The following BAZ2B variants were observed in gnomAD, a reference collection of about 807,000 sequenced individuals.
BAZ2B encodes the protein bromodomain adjacent to zinc finger domain protein 2B.
BAZ2B carries 91 observed loss-of-function variants against 246.0 expected under a neutral mutation model. The observed-to-expected ratio is 0.37, with a 90% confidence interval of 0.31 to 0.44. BAZ2B has a LOEUF of 0.44. Among genes scored for constraint, BAZ2B ranks in the 20% least tolerant of loss-of-function variants. The pLI is 1.00. For synonymous variants in BAZ2B, 855 were observed against 860.0 expected, an observed-to-expected ratio of 0.99 and a Z score of 0.10; for missense variants, 2,332 against 2,533.7, an observed-to-expected ratio of 0.92 and a Z score of 1.71.
chr2:159,505,492 C>A (rs535825886), intron 2 of BAZ2B, among the ~76,000 whole-genome samples: 18 of 152,246 alleles, frequency 1.2e-4, no homozygotes, highest in Non-Finnish European at 2.2e-4. Flanking sequence ...CTTTTATAAG[C>A]TTCACTATTG....
At chr2:159,364,284 C>A (rs1363554568) in intron 27 of BAZ2B, among the ~76,000 whole-genome samples, 1 of 152,186 alleles carries the variant, frequency 6.6e-6, no homozygotes, top group Admixed American at 6.5e-5. Flanking sequence ...GTCCATGTTA[C>A]CTATGGCTGA....
At chr2:159,335,754 A>G (rs1407181291) in intron 33 of BAZ2B, among the ~76,000 whole-genome samples, 1 of 152,220 alleles carries the variant, frequency 6.6e-6, no homozygotes, top group East Asian at 1.9e-4. Flanking sequence ...TAAGTTATTT[A>G]AGAATCAATT....
chr2:159,490,573 G>A (rs910834237), intron 2 of BAZ2B, among the ~76,000 whole-genome samples: 1 of 152,140 alleles, frequency 6.6e-6, no homozygotes, highest in Non-Finnish European at 1.5e-5. Context: ...CTGGAGTGCA[G>A]TGGCGTGATC....
chr2:159,327,952 CT>C (rs2063962217), intron 34 of BAZ2B, among the ~76,000 whole-genome samples: 12 of 151,252 alleles, frequency 7.9e-5, no homozygotes, highest in African/African-American at 2.9e-4. Flanking sequence ...GTAATCTCAG[CT>C]ACTTAGGAGG....
upstream of BAZ2B, chr2:159,616,858 A>AG (rs1390533151): frequency 6.6e-6 from 1 of 152,240 alleles, no homozygotes; most frequent in African/African-American, 2.4e-5. Context: ...GCTACAGAGT[A>AG]GGGAGCATAG....
At chr2:159,574,885 G>A (rs1484149827) in intron 1 of BAZ2B, among the ~76,000 whole-genome samples, 5 of 151,682 alleles carry the variant, frequency 3.3e-5, no homozygotes, top group African/African-American at 9.7e-5. Flanking sequence ...CAGGAGAATC[G>A]CTTGAATCCA....
chr2:159,570,353 T>C (rs923707535), intron 1 of BAZ2B, among the ~76,000 whole-genome samples: 2 of 151,944 alleles, frequency 1.3e-5, no homozygotes, highest in Admixed American at 6.6e-5. Context: ...CCTGGCTAAT[T>C]TTTGTATTTT....
rs544856253 is a variant in BAZ2B, at chr2:159,398,502, A to G, written c.2964+327T>C. Among the ~76,000 whole-genome samples, 15 of 152,304 alleles carry G rather than the reference A, an allele frequency of 9.8e-5. No homozygotes were observed. The East Asian group carries it at 2.9e-3, about 29-fold the overall frequency. ...TTTATGCCTAAACATAAACATAAAC[A>G]TAAACATAAATAACACACAAAACAG... On this transcript the variant is annotated intron_variant, in intron 18 of 36. Transcript: ENST00000392783.
chr2:159,582,908 G>C lies in BAZ2B; in HGVS notation c.-45-27043C>G, dbSNP rs184492387. Among the ~76,000 whole-genome samples, 28 of 152,088 alleles carry C rather than the reference G, an allele frequency of 1.8e-4. No individual in the cohort carries two copies. The East Asian group carries it at 5.2e-3, about 28-fold the overall frequency. ...TAAATGACTAAATATCAACCCAAGA[G>C]AATTTTTCAATTTGCCTATTTTGTT... On this transcript the variant is annotated intron_variant, in intron 1 of 36. Transcript: ENST00000392783.
chr2:159,520,067 T>A (rs2083965162), intron 2 of BAZ2B, among the ~76,000 whole-genome samples: 1 of 152,102 alleles, frequency 6.6e-6, no homozygotes, highest in Admixed American at 6.5e-5. Flanking sequence ...ACAGCAAAAC[T>A]GATACAAAGG....
At chr2:159,427,418 T>C (rs541312109) in intron 13 of BAZ2B, among the ~76,000 whole-genome samples, 1 of 152,190 alleles carries the variant, frequency 6.6e-6, no homozygotes, top group South Asian at 2.1e-4. Flanking sequence ...ACTGAATTTC[T>C]GCAAAAACCA....
chr2:159,563,728 A>G (rs1339704634), intron 1 of BAZ2B, among the ~76,000 whole-genome samples: 2 of 152,198 alleles, frequency 1.3e-5, no homozygotes, highest in Non-Finnish European at 2.9e-5. Context: ...GAAGATGAAA[A>G]AAAGTAATGG....
chr2:159,572,843 C>T (rs1684355864), intron 1 of BAZ2B, among the ~76,000 whole-genome samples: 1 of 152,106 alleles, frequency 6.6e-6, no homozygotes, highest in African/African-American at 2.4e-5. Context: ...CTTTATGAAA[C>T]ACAGAGATTA....
the BAZ2B span, among the ~76,000 whole-genome samples, chr2:159,690,484 A>G: frequency 6.6e-6 from 1 of 151,950 alleles, no homozygotes; most frequent in African/African-American, 2.4e-5. Flanking sequence ...TTCCCTTACC[A>G]CTCTATTTTC....
intron 13 of BAZ2B, among the ~76,000 whole-genome samples, chr2:159,418,926 A>G (rs1007239866): frequency 6.6e-6 from 1 of 152,276 alleles, no homozygotes. Flanking sequence ...CTCTGGTAGT[A>G]AAATATTTGT....
chr2:159,595,007 A>G (rs1690320676), intron 1 of BAZ2B, among the ~76,000 whole-genome samples: 1 of 152,246 alleles, frequency 6.6e-6, no homozygotes, highest in Non-Finnish European at 1.5e-5. Context: ...ATCTTTAGGT[A>G]GCCTAAAACC....
chr2:159,705,335 T>C, the BAZ2B span, among the ~76,000 whole-genome samples: 4 of 152,270 alleles, frequency 2.6e-5, no homozygotes, highest in East Asian at 7.7e-4. Flanking sequence ...TTACCACTTC[T>C]TATAACTGAA....
At chr2:159,428,441 G>T (rs375117879) in intron 11 of BAZ2B, 22 bp from the exon 12 acceptor site, 22 of 1,540,946 alleles carry the variant, frequency 1.4e-5, no homozygotes, top group Non-Finnish European at 1.9e-5. Context: ...AGAAATGAAG[G>T]TTATGACATA....
intron 2 of BAZ2B, among the ~76,000 whole-genome samples, chr2:159,493,273 T>C (rs548200282): frequency 6.6e-6 from 1 of 152,284 alleles, no homozygotes; most frequent in Non-Finnish European, 1.5e-5. Flanking sequence ...TTAAATAAAA[T>C]TTAAAAGTCA....
Sources: allele counts gnomAD v4.1 joint callset (sites outside exome capture counted in the v4.1 genomes callset), GRCh38; gene constraint gnomAD v4.1.1; transcripts MANE v1.5; gene names NCBI Gene and HGNC (gene_info 2026-07-23, HGNC 2026-07-21).